The following LCOR variants were observed in gnomAD, a reference collection of about 807,000 sequenced individuals.
LCOR encodes the protein ligand-dependent corepressor.
Under a neutral mutation model 64.4 loss-of-function variants are expected in LCOR, and 14 were observed. That is an observed-to-expected ratio of 0.22 (90% CI 0.14 to 0.34). The LOEUF (loss-of-function observed/expected upper bound fraction) is 0.34, where lower values mean the gene tolerates loss of function less well. Among genes scored for constraint, LCOR ranks in the 10% least tolerant of loss-of-function variants. The pLI is 1.00. For missense variants in LCOR, 1,686 were observed against 1,765.3 expected, an observed-to-expected ratio of 0.96 and a Z score of 0.80; for synonymous variants, 643 against 642.5, an observed-to-expected ratio of 1.00 and a Z score of -0.01.
At position 96,849,061 on chromosome 10, in the gene LCOR, C is replaced by CTTT. The variant is rs67974828; in HGVS notation, c.-330+15610_-330+15612dup. Among the ~76,000 whole-genome samples the CTTT allele has an allele frequency of 2.7e-4, 9 of 33,838 alleles. 1 individual carries two copies. Among genetic ancestry groups the CTTT allele is most frequent in the Non-Finnish European group, 3.2e-4 (6 of 18,464 alleles). 22.2% of individuals were successfully genotyped at this position (33,838 alleles called of 152,430 possible). Reference sequence around the variant, plus strand: ...TCCTCTCTGTCACCTGGCTAATTGTCTTTTTTTTTTTTTTTTTTTTTTTTT... The same window carrying CTTT: ...TCCTCTCTGTCACCTGGCTAATTGTCTTTTTTTTTTTTTTTTTTTTTTTTTTTT... On this transcript the variant is annotated intron_variant, in intron 2 of 7. Transcript: ENST00000421806.
At chr10:96,975,399 C>G (rs1382643550) in intron 7 of LCOR, among the ~76,000 whole-genome samples, 1 of 152,014 alleles carries the variant, frequency 6.6e-6, no homozygotes, top group Non-Finnish European at 1.5e-5. Context: ...GCCTATGTGT[C>G]TAGTTGCCTA....
intron 4 of LCOR, among the ~76,000 whole-genome samples, chr10:96,937,709 C>A (rs1847375549): frequency 6.6e-6 from 1 of 152,074 alleles, no homozygotes; most frequent in Non-Finnish European, 1.5e-5. Context: ...TCTTCACAAA[C>A]TTTTTCAAAG....
Position 96,989,691 on chromosome 10 carries a change from ATATATTTTTTTTT to A in LCOR, c.*4559_*4571del, listed in dbSNP as rs1406359179. ...AGGATAAGGATATATATATATATATATATATTTTTTTTTTTTTTTTTTTTTTTTAATAGAGACG... is the reference window on the plus strand; with the variant it reads ...AGGATAAGGATATATATATATATATATTTTTTTTTTTTTTTAATAGAGACG... On this transcript the variant is annotated 3_prime_UTR_variant, in exon 8 of 8. Transcript: ENST00000421806. The A allele has an allele frequency of 1.3e-5, 1 of 79,614 alleles. No homozygotes were observed. Among genetic ancestry groups the A allele is most frequent in the African/African-American group, 7.7e-5 (1 of 12,930 alleles). 4.9% of individuals were successfully genotyped at this position (79,614 alleles called of 1,614,324 possible). A position where few individuals can be genotyped will look rare whatever the true frequency, so the allele number is the denominator to read the frequency against.
intron 4 of LCOR, among the ~76,000 whole-genome samples, chr10:96,924,377 T>G (rs1589659696): frequency 1.6e-5 from 1 of 63,100 alleles, no homozygotes. Context: ...CAATTTGTTT[T>G]TGTTTGTTTG....
chr10:96,967,547 CG>C (rs1357992851), intron 7 of LCOR, among the ~76,000 whole-genome samples: 1 of 152,046 alleles, frequency 6.6e-6, no homozygotes, highest in Non-Finnish European at 1.5e-5. Context: ...TATTTCAACT[CG>C]TGAGTTGAAA....
intron 2 of LCOR, among the ~76,000 whole-genome samples, chr10:96,894,773 A>G (rs890012340): frequency 6.6e-6 from 1 of 152,178 alleles, no homozygotes; most frequent in Non-Finnish European, 1.5e-5. Context: ...ATATATTTAG[A>G]TGTGTTTGAT....
At chr10:96,846,846 TCTC>T (rs2134372402) in intron 2 of LCOR, among the ~76,000 whole-genome samples, 1 of 152,298 alleles carries the variant, frequency 6.6e-6, no homozygotes, top group East Asian at 1.9e-4. Context: ...TTGGTCCCCT[TCTC>T]CTTAGGAGAA....
In LCOR at chr10:96,984,844, AAGT is replaced by A; in HGVS notation, c.4385_4387del (p.Lys1462_Ser1463delinsThr). On this transcript the variant is annotated inframe_deletion, in exon 8 of 8. Coordinates refer to ENST00000421806, the MANE Select transcript of LCOR (RefSeq NM_001346516.2). Reference sequence around the variant, plus strand: ...AGAGAATAAAGTGAAGATCCCTAAAAAGTCCGCTGGGAAGAGCTGCCCTCCCTC... The same window carrying A: ...AGAGAATAAAGTGAAGATCCCTAAAACCGCTGGGAAGAGCTGCCCTCCCTC... 1 of 1,614,156 alleles carries A rather than the reference AAGT, an allele frequency of 6.2e-7. No individual in the cohort carries two copies. The highest frequency in any genetic ancestry group is 8.5e-7 in the Non-Finnish European group (1 of 1,180,034).
At position 96,985,303 on chromosome 10, in the gene LCOR, G is replaced by A. The variant is rs1400939571; in HGVS notation, c.*169G>A. 7.7e-6 allele frequency: 6 copies of A among 776,468 alleles called. No individual in the cohort carries two copies. Among genetic ancestry groups the A allele is most frequent in the African/African-American group, 1.8e-5 (1 of 55,964 alleles). 48.1% of individuals were successfully genotyped at this position (776,468 alleles called of 1,614,324 possible). On this transcript the variant is annotated 3_prime_UTR_variant, in exon 8 of 8. Transcript: ENST00000421806. ...GCATCTCAGATGGAGAAGGGAACTT[G>A]CAGAGTCCTTCTCTGAGGCTAAGGG...
chr10:96,995,334 G>A lies in LCOR; in HGVS notation c.*10200G>A. 1 of 152,236 alleles carries A rather than the reference G, an allele frequency of 6.6e-6. No individual in the cohort carries two copies. The highest frequency in any genetic ancestry group is 1.9e-4 in the East Asian group (1 of 5,200). 9.4% of individuals were successfully genotyped at this position (152,236 alleles called of 1,614,324 possible). On this transcript the variant is annotated 3_prime_UTR_variant, in exon 8 of 8. Coordinates refer to ENST00000421806, the MANE Select transcript of LCOR (RefSeq NM_001346516.2). This position sits in a 1 kb window ranked among gnomAD's most constrained non-coding sequence, Gnocchi z 4.2. ...CTAGCGCCCTCCTGGTACCAAGCGTGTGCTCCTGGCCTGTGTGACAGTGTC... is the reference window on the plus strand; with the variant it reads ...CTAGCGCCCTCCTGGTACCAAGCGTATGCTCCTGGCCTGTGTGACAGTGTC...
At chr10:96,971,902 G>A (rs1848002478) in intron 7 of LCOR, among the ~76,000 whole-genome samples, 2 of 152,206 alleles carry the variant, frequency 1.3e-5, no homozygotes, top group South Asian at 2.1e-4. Flanking sequence ...CTGCATGTGT[G>A]CCTACACATT....
In LCOR at chr10:96,983,314, T is replaced by C; in HGVS notation, c.2854T>C (p.Ser952Pro). Residue 952 changes from serine (S) to proline (P), a missense_variant, in exon 8 of 8, where the codon TCT becomes CCT. By Grantham distance (74) the Ser-to-Pro change is moderately conservative. Around this residue, in one of 3 missense-constraint regions of LCOR, gnomAD observed 1,293 missense variants for 1,410.4 expected, o/e 0.92. Transcript: ENST00000421806. The surrounding 1 kb of genome is among the most constrained non-coding windows in gnomAD (Gnocchi z 4.5). The stretch of plus-strand genomic sequence containing the variant: ...AGAGAGATTGGAAATCTATGTTCAG[T>C]CTAAAATGGATGAGAAGAATGCTCA... ...PGERLEIYVQ[S>P]KMDEKNAHIP... 1 of 1,614,040 alleles carries C rather than the reference T, an allele frequency of 6.2e-7. No homozygotes were observed. Among genetic ancestry groups the C allele is most frequent in the Non-Finnish European group, 8.5e-7 (1 of 1,180,004 alleles).
chr10:96,876,642 G>A (rs944169420), intron 2 of LCOR, among the ~76,000 whole-genome samples: 3 of 152,010 alleles, frequency 2.0e-5, no homozygotes, highest in African/African-American at 7.2e-5. Context: ...TAGAAAATAC[G>A]GACAAGGCAA....
At position 96,983,171 on chromosome 10, in the gene LCOR, G is replaced by A. The variant is rs765185337; in HGVS notation, c.2711G>A (p.Gly904Glu). ...EKDAEQEGEG[G>E]GIITRQTLKN... is the part of the protein sequence containing the mutation. ...GATGCTGAGCAGGAGGGCGAAGGCG[G>A]GGGGATCATCACCAGGCAGACTTTG... is the stretch of plus-strand genomic sequence containing the variant. Residue 904 changes from glycine to glutamate, a missense_variant, in exon 8 of 8, where the codon GGG (glycine) becomes GAG (glutamate). Physicochemically the swap from Gly to Glu is moderately conservative, Grantham distance 98. Transcript: ENST00000421806. The surrounding 1 kb of genome is among the most constrained non-coding windows in gnomAD (Gnocchi z 4.5). The A allele has an allele frequency of 6.2e-7, 1 of 1,614,124 alleles. No individual in the cohort carries two copies. The highest frequency in any genetic ancestry group is 1.1e-5 in the South Asian group (1 of 91,082).
chr10:96,832,501 C>T (rs1049871672), intron 1 of LCOR, 102 bp downstream of exon 1: 3 of 281,904 alleles, frequency 1.1e-5, no homozygotes, highest in African/African-American at 4.6e-5. Flanking sequence ...TGCTCCGGCC[C>T]GCCCGCCCTC....
intron 4 of LCOR, among the ~76,000 whole-genome samples, chr10:96,915,159 C>T (rs1293959366): frequency 2.0e-5 from 3 of 152,144 alleles, no homozygotes; most frequent in Non-Finnish European, 2.9e-5. Context: ...CTATTAGTGA[C>T]CTATGCCCCT....
intron 2 of LCOR, among the ~76,000 whole-genome samples, chr10:96,892,714 G>A (rs1480851959): frequency 2.0e-5 from 3 of 152,108 alleles, no homozygotes; most frequent in Non-Finnish European, 2.9e-5. Context: ...TTAGACCATC[G>A]CAGTGCCTAT....
chr10:96,971,363 T>C (rs2134554881), intron 7 of LCOR, among the ~76,000 whole-genome samples: 1 of 152,304 alleles, frequency 6.6e-6, no homozygotes. Context: ...AATAATTTAT[T>C]TGAATAGTCC....
intron 7 of LCOR, among the ~76,000 whole-genome samples, chr10:96,970,033 C>T (rs1453396387): frequency 4.1e-5 from 6 of 147,848 alleles, no homozygotes; most frequent in African/African-American, 1.0e-4. Flanking sequence ...CCTCATGATC[C>T]GCCCGCCTCA....
Sources: gnomAD v4.1 joint callset for allele counts (sites outside exome capture counted in the v4.1 genomes callset) on GRCh38, gnomAD v4.1.1 for gene constraint, gnomAD v4.1.1 regional missense constraint, Gnocchi (gnomAD v3.1) non-coding constraint, MANE v1.5 for transcripts, NCBI Gene and HGNC (gene_info 2026-07-23, HGNC 2026-07-21) for gene names.